ACACA: variants seen among roughly 807,000 people sequenced by gnomAD.
The protein encoded by ACACA is acetyl-CoA carboxylase 1.
A neutral mutation model predicts 296.1 loss-of-function variants in ACACA; 103 were observed. The ratio of observed to expected loss-of-function variants is 0.35; its 90% CI spans 0.30 to 0.41. The LOEUF (loss-of-function observed/expected upper bound fraction) is 0.41. ACACA is among the 10% of genes least tolerant of loss of function. The probability of loss-of-function intolerance (pLI) is 1.00; values close to 1 mark genes in which losing one functional copy is unlikely to be tolerated. For missense variants in ACACA, 1,554 were observed against 2,989.7 expected (o/e 0.52, Z 11.20); for synonymous variants, 953 against 1,038.6 (o/e 0.92, Z 1.58).
chr17:37,227,731 G>C (rs966555694), intron 25 of ACACA, among the ~76,000 whole-genome samples: 1 of 151,778 alleles, frequency 6.6e-6, no homozygotes, highest in Non-Finnish European at 1.5e-5. Context: ...GTGGTGGCGG[G>C]CGCCTGTAGT....
intron 43 of ACACA, among the ~76,000 whole-genome samples, chr17:37,151,952 G>A (rs1273299134): frequency 4.0e-5 from 6 of 151,824 alleles, no homozygotes; most frequent in Non-Finnish European, 4.4e-5. Flanking sequence ...GAGCCACCGC[G>A]CCCGGCCTAA....
intron 3 of ACACA, among the ~76,000 whole-genome samples, chr17:37,305,829 G>C (rs2083848248): frequency 6.6e-6 from 1 of 152,032 alleles, no homozygotes; most frequent in Admixed American, 6.5e-5. Flanking sequence ...CTGGGGAAAG[G>C]GGAATAGGAA....
At chr17:37,367,735 G>A (rs1359872774) in intron 1 of ACACA, 1 of 151,902 alleles carries the variant, frequency 6.6e-6, no homozygotes, top group East Asian at 1.9e-4. Context: ...ATTAGTAATC[G>A]ATACAGAACA....
chr17:37,140,209 T>G (rs893632870), intron 45 of ACACA, among the ~76,000 whole-genome samples: 1 of 152,198 alleles, frequency 6.6e-6, no homozygotes, highest in Non-Finnish European at 1.5e-5. Context: ...CTCTCAAGAT[T>G]TATAATTCTA....
intron 6 of ACACA, 148 bp from the exon 7 acceptor site, chr17:37,277,262 T>C (rs1414577256): frequency 5.4e-6 from 4 of 746,108 alleles, no homozygotes; most frequent in East Asian, 2.6e-5. Flanking sequence ...TGCTTGATTG[T>C]TGGCAAACTC....
chr17:37,273,052 G>C (rs1469422470), intron 9 of ACACA, among the ~76,000 whole-genome samples: 1 of 152,080 alleles, frequency 6.6e-6, no homozygotes, highest in Non-Finnish European at 1.5e-5. Context: ...TCCTTACAAA[G>C]AGCTTCTACT....
chr17:37,098,250 T>C (rs1199947821), intron 52 of ACACA, among the ~76,000 whole-genome samples: 2 of 152,198 alleles, frequency 1.3e-5, no homozygotes. Context: ...CCCTCTCCCA[T>C]GCCTCTCCCT....
intron 16 of ACACA, among the ~76,000 whole-genome samples, chr17:37,250,435 C>T (rs1435665625): frequency 3.9e-5 from 6 of 151,930 alleles, no homozygotes; most frequent in South Asian, 4.2e-4. Context: ...GTCAAGAGAT[C>T]GAGACCATCC....
intron 25 of ACACA, among the ~76,000 whole-genome samples, chr17:37,230,859 T>C (rs1158345191): frequency 1.3e-5 from 2 of 152,234 alleles, no homozygotes; most frequent in Non-Finnish European, 2.9e-5. Flanking sequence ...GCCAACCTGC[T>C]GATTTTGGGA....
At position 37,122,587 on chromosome 17, in the gene ACACA, G is replaced by A. The variant is rs1298775841; in HGVS notation, c.6082C>T (p.Arg2028Ter). The change falls in exon 49 of 56, where the codon CGA becomes TGA. Residue 2028 changes from arginine to a stop codon, truncating the protein, a stop_gained. Coordinates refer to ENST00000616317, the MANE Select transcript of ACACA (RefSeq NM_198834.3). LOFTEE classifies it high-confidence loss of function. The stretch of plus-strand genomic sequence containing the variant: ...GCTGGGATACTTAGTTCTACTGTTC[G>A]GGTTTCTACAGCAACAACTCCCACA... ...IPVGVVAVET[R>*]TVELSIPADP... 5 of 1,614,030 alleles carry A rather than the reference G, an allele frequency of 3.1e-6. No homozygotes were observed. Among genetic ancestry groups the A allele is most frequent in the East Asian group, 2.2e-5 (1 of 44,886 alleles).
intron 45 of ACACA, among the ~76,000 whole-genome samples, chr17:37,134,424 A>G (rs998946327): frequency 2.0e-5 from 3 of 152,310 alleles, no homozygotes; most frequent in South Asian, 4.1e-4. Flanking sequence ...ACTTGTCAGG[A>G]TATTTGTCAG....
intron 52 of ACACA, among the ~76,000 whole-genome samples, chr17:37,099,631 T>C (rs899314308): frequency 5.3e-5 from 7 of 132,858 alleles, no homozygotes; most frequent in Admixed American, 3.0e-4. Context: ...GGAGGGCTGA[T>C]GGAGGGAGGG....
intron 3 of ACACA, among the ~76,000 whole-genome samples, chr17:37,324,205 A>G (rs1487873425): frequency 6.6e-6 from 1 of 151,858 alleles, no homozygotes; most frequent in Admixed American, 6.6e-5. Context: ...CATCTCTACT[A>G]CAAATACAAA....
rs760227126 is a variant in ACACA at position 37,252,938 on chromosome 17, A to G, written c.1925T>C (p.Met642Thr). 3 of 1,614,216 alleles carry G rather than the reference A, an allele frequency of 1.9e-6. No homozygotes were observed. The highest frequency in any genetic ancestry group is 2.5e-6 in the Non-Finnish European group (3 of 1,180,038). The change falls in exon 15 of 56, where the codon ATG (methionine) becomes ACG (threonine). Residue 642 changes from methionine to threonine, a missense_variant. Transcript: ENST00000616317. ...CAGCCAGCCAGTATCAATTCTGTTC[A>G]TCTGAAAGCTTTCAGTCTCTAACAA... ...IKLLETESFQMNRIDTGWLDR... is the reference protein window; with the variant it reads ...IKLLETESFQTNRIDTGWLDR...
At chr17:37,109,618 T>C (rs897847514) in intron 52 of ACACA, among the ~76,000 whole-genome samples, 5 of 152,202 alleles carry the variant, frequency 3.3e-5, no homozygotes, top group South Asian at 2.1e-4. Context: ...AGGAAATTGA[T>C]AATGAGATGA....
chr17:37,131,234 T>C (rs1019289106), intron 45 of ACACA, among the ~76,000 whole-genome samples: 7 of 152,066 alleles, frequency 4.6e-5, no homozygotes, highest in Admixed American at 4.6e-4. Flanking sequence ...AACCACAAAG[T>C]TTCCTTTAAA....
At chr17:37,139,978 T>C (rs1488281177) in intron 45 of ACACA, among the ~76,000 whole-genome samples, 1 of 152,250 alleles carries the variant, frequency 6.6e-6, no homozygotes, top group Non-Finnish European at 1.5e-5. Context: ...ATTTGAACAC[T>C]GTCTTTAAAG....
intron 43 of ACACA, 145 bp downstream of exon 43, chr17:37,155,538 T>A: frequency 1.5e-6 from 1 of 656,424 alleles, no homozygotes; most frequent in Non-Finnish European, 2.8e-6. Context: ...TAATAAGTGG[T>A]AGAGCTGGAT....
chr17:37,314,918 C>T (rs2047013604), intron 3 of ACACA, among the ~76,000 whole-genome samples: 1 of 146,756 alleles, frequency 6.8e-6, no homozygotes, highest in Admixed American at 6.9e-5. Context: ...TAGGAATTTA[C>T]AGGCATGAGC....
Sources: gnomAD v4.1 joint callset for allele counts (sites outside exome capture counted in the v4.1 genomes callset) on GRCh38, gnomAD v4.1.1 for gene constraint, MANE v1.5 for transcripts, NCBI Gene and HGNC (gene_info 2026-07-23, HGNC 2026-07-21) for gene names.